SPOCK1: variants seen among roughly 807,000 people sequenced by gnomAD.
SPOCK1 encodes the protein SPARC (osteonectin), cwcv and kazal like domains proteoglycan 1, also known as testican-1.
A neutral mutation model predicts 55.3 loss-of-function variants in SPOCK1; 23 were observed. The observed-to-expected ratio is 0.42, with a 90% CI of 0.30 to 0.59. SPOCK1 has a LOEUF of 0.59. Among genes scored for constraint, SPOCK1 ranks in the 20% least tolerant of loss-of-function variants. The probability of loss-of-function intolerance (pLI) is 0.22; values close to 1 mark genes in which losing one functional copy is unlikely to be tolerated. For missense variants in SPOCK1, 499 were observed against 552.5 expected, an observed-to-expected ratio of 0.90 and a Z score of 0.97; for synonymous variants, 226 against 221.0, an observed-to-expected ratio of 1.02 and a Z score of -0.20.
intron 3 of SPOCK1, among the ~76,000 whole-genome samples, chr5:137,141,777 T>C (rs1350897265): frequency 1.3e-5 from 2 of 151,714 alleles, no homozygotes; most frequent in Non-Finnish European, 2.9e-5. Context: ...GTTCAGGCAA[T>C]CATAAGATAC....
chr5:137,365,708 A>T (rs529332970), intron 2 of SPOCK1, among the ~76,000 whole-genome samples: 2 of 152,148 alleles, frequency 1.3e-5, no homozygotes, highest in Non-Finnish European at 2.9e-5. Flanking sequence ...TTAATGGAAA[A>T]CTTTCACCAA....
At chr5:137,225,165 A>T (rs1384270596) in intron 3 of SPOCK1, among the ~76,000 whole-genome samples, 4 of 152,056 alleles carry the variant, frequency 2.6e-5, no homozygotes, top group Non-Finnish European at 5.9e-5. Flanking sequence ...AAAAGCCAGT[A>T]TACAAGCAGA....
chr5:137,130,284 T>A (rs534192828), intron 4 of SPOCK1, among the ~76,000 whole-genome samples: 1 of 152,342 alleles, frequency 6.6e-6, no homozygotes, highest in South Asian at 2.1e-4. Flanking sequence ...TCTGTCTCTT[T>A]CAATAGACTT....
At chr5:137,221,922 G>A (rs1755854697) in intron 3 of SPOCK1, among the ~76,000 whole-genome samples, 1 of 152,138 alleles carries the variant, frequency 6.6e-6, no homozygotes, top group Non-Finnish European at 1.5e-5. Context: ...CCCTCCACAG[G>A]GCTCAGGCAC....
chr5:137,244,645 G>T (rs1297677923), intron 3 of SPOCK1, among the ~76,000 whole-genome samples: 1 of 152,214 alleles, frequency 6.6e-6, no homozygotes, highest in Non-Finnish European at 1.5e-5. Context: ...AGTCCCACTT[G>T]ACACTGACCA....
At chr5:137,323,387 A>C (rs912519235) in intron 2 of SPOCK1, among the ~76,000 whole-genome samples, 5 of 152,186 alleles carry the variant, frequency 3.3e-5, no homozygotes, top group African/African-American at 1.2e-4. Context: ...TATTCATACA[A>C]AATAGACTTT....
chr5:137,464,355 T>G (rs939417381), intron 2 of SPOCK1, among the ~76,000 whole-genome samples: 2 of 152,138 alleles, frequency 1.3e-5, no homozygotes, highest in African/African-American at 4.8e-5. Flanking sequence ...TACTCAATTT[T>G]TTGTGATGTG....
chr5:137,015,232 G>A (rs532728051), intron 6 of SPOCK1, among the ~76,000 whole-genome samples: 1 of 150,992 alleles, frequency 6.6e-6, no homozygotes, highest in African/African-American at 2.4e-5. Flanking sequence ...ACGAGGTCAG[G>A]AGATCGAGAC....
At chr5:137,217,378 G>T (rs901136822) in intron 3 of SPOCK1, among the ~76,000 whole-genome samples, 3 of 152,174 alleles carry the variant, frequency 2.0e-5, no homozygotes, top group African/African-American at 7.2e-5. Flanking sequence ...GAATGTGCTG[G>T]AGTCTGAGAA....
At chr5:137,295,396 C>T (rs977733675) in intron 2 of SPOCK1, among the ~76,000 whole-genome samples, 1 of 152,242 alleles carries the variant, frequency 6.6e-6, no homozygotes, top group African/African-American at 2.4e-5. Flanking sequence ...CTACCACCAG[C>T]AGCACAGAGC....
chr5:137,459,170 G>A (rs1038519140), intron 2 of SPOCK1, among the ~76,000 whole-genome samples: 2 of 152,168 alleles, frequency 1.3e-5, no homozygotes, highest in Non-Finnish European at 2.9e-5. Context: ...TGTACGTGTC[G>A]TGTAGTCTTC....
intron 6 of SPOCK1, among the ~76,000 whole-genome samples, chr5:137,064,221 C>T (rs1020740528): frequency 1.3e-5 from 2 of 152,196 alleles, no homozygotes; most frequent in East Asian, 3.8e-4. Flanking sequence ...AGCTCATAAG[C>T]CCTCAGCCCA....
chr5:137,233,713 CT>C (rs56328555), intron 3 of SPOCK1, among the ~76,000 whole-genome samples: 1,487 of 57,200 alleles, frequency 0.026, 4 homozygotes, highest in Middle Eastern at 0.034. Context: ...AGGATATGCA[CT>C]TTTTTTTTTT....
chr5:137,320,415 T>C (rs1448380455), intron 2 of SPOCK1, among the ~76,000 whole-genome samples: 2 of 152,192 alleles, frequency 1.3e-5, no homozygotes, highest in Non-Finnish European at 2.9e-5. Flanking sequence ...ACCCAACTCA[T>C]GGCTTCTCCA....
chr5:137,084,886 C>A (rs1752933185), intron 5 of SPOCK1, among the ~76,000 whole-genome samples: 1 of 151,050 alleles, frequency 6.6e-6, no homozygotes, highest in Non-Finnish European at 1.5e-5. Context: ...ACACCCATAT[C>A]CCTCTAAGGA....
rs143294259 is a variant in SPOCK1, at chr5:137,316,149, G to C, written c.187-49094C>G. 2.0e-5 allele frequency among the ~76,000 whole-genome samples: 3 copies of C among 152,368 alleles called. No homozygotes were observed. In the East Asian group the frequency reaches 5.8e-4, roughly 29 times the overall value. On this transcript the variant is annotated intron_variant, in intron 2 of 10. Transcript: ENST00000394945. The stretch of plus-strand genomic sequence containing the variant: ...TCCAAGGAGGGATGTACCGTCCAAA[G>C]GGGAGGAACACTGTGTGCTCACATG...
At chr5:137,384,256 T>A (rs1751549685) in intron 2 of SPOCK1, among the ~76,000 whole-genome samples, 1 of 152,162 alleles carries the variant, frequency 6.6e-6, no homozygotes, top group Admixed American at 6.5e-5. Flanking sequence ...AAATGCTCAC[T>A]TAGAATTGAC....
intron 9 of SPOCK1, among the ~76,000 whole-genome samples, chr5:136,981,333 T>TATC (rs1185993605): frequency 6.6e-6 from 1 of 152,276 alleles, no homozygotes; most frequent in Admixed American, 6.5e-5. Context: ...TTCAGAAAAC[T>TATC]ATCTCTGATA....
At chr5:137,119,467 G>T (rs960302485) in intron 4 of SPOCK1, among the ~76,000 whole-genome samples, 1 of 152,220 alleles carries the variant, frequency 6.6e-6, no homozygotes, top group African/African-American at 2.4e-5. Flanking sequence ...CACAGGAAGA[G>T]CATAATGGCC....
Sources: gnomAD v4.1 joint callset for allele counts (sites outside exome capture counted in the v4.1 genomes callset) on GRCh38, gnomAD v4.1.1 for gene constraint, MANE v1.5 for transcripts, NCBI Gene and HGNC (gene_info 2026-07-23, HGNC 2026-07-21) for gene names.